Variants in COL5A2 observed in about 807,000 individuals in gnomAD.
COL5A2 encodes collagen alpha-2(V) chain.
COL5A2 carries 23 observed loss-of-function variants against 208.2 expected under a neutral mutation model. That is an observed-to-expected ratio of 0.11 (90% CI 0.08 to 0.16). The LOEUF (loss-of-function observed/expected upper bound fraction) is 0.16. Among genes scored for constraint, COL5A2 ranks in the 10% least tolerant of loss-of-function variants. The pLI, the probability that COL5A2 is intolerant of heterozygous loss-of-function variation, is 1.00. For synonymous variants in COL5A2, 625 were observed against 628.5 expected, an observed-to-expected ratio of 0.99 and a Z score of 0.08; for missense variants, 1,590 against 1,956.4, an observed-to-expected ratio of 0.81 and a Z score of 3.53.
rs369656754 is a variant in COL5A2, at chr2:189,061,502, T to TA, written c.2031+59dup. Reference sequence around the variant, plus strand: ...AATCTTCTGACCATATCTTTTTTTTTAAAAAAAAAAAGCATTTTAGTTAAT... The same window carrying TA: ...AATCTTCTGACCATATCTTTTTTTTTAAAAAAAAAAAAGCATTTTAGTTAAT... On this transcript the variant is annotated intron_variant, in intron 30 of 53. Transcript: ENST00000374866. 16,137 of 975,380 alleles carry TA rather than the reference T, an allele frequency of 0.017. 16 individuals carry two copies. The highest frequency in any genetic ancestry group is 0.019 in the Non-Finnish European group (12,888 of 662,544). The allele number at this position is 975,380 out of a possible 1,614,324, so 60.4% of individuals were successfully genotyped here.
At chr2:189,405,500 G>A in the COL5A2 span, among the ~76,000 whole-genome samples, 1 of 152,274 alleles carries the variant, frequency 6.6e-6, no homozygotes, top group African/African-American at 2.4e-5. Context: ...AAAATGCTGG[G>A]ATTATAGGTG....
chr2:189,070,807 A>T lies in COL5A2; in HGVS notation c.1158+1233T>A, dbSNP rs756949245. Reference sequence around the variant, plus strand: ...GTCTGGGCCAGAGTCTGTGGTAGTGACATTATTAGGACTTCAGGGAGCAGA... The same window carrying T: ...GTCTGGGCCAGAGTCTGTGGTAGTGTCATTATTAGGACTTCAGGGAGCAGA... On this transcript the variant is annotated intron_variant, in intron 18 of 53. Transcript: ENST00000374866. Among the ~76,000 whole-genome samples, 63 of 152,122 alleles carry T rather than the reference A, an allele frequency of 4.1e-4. 2 individuals carry two copies. Among genetic ancestry groups the T allele is most frequent in the Non-Finnish European group, 2.9e-4 (20 of 68,016 alleles).
intron 1 of COL5A2, among the ~76,000 whole-genome samples, chr2:189,134,612 T>A (rs1489202929): frequency 5.3e-5 from 8 of 152,054 alleles, no homozygotes; most frequent in Admixed American, 4.6e-4. Flanking sequence ...AGAAAGTACA[T>A]CATTGTCAAC....
intron 43 of COL5A2, among the ~76,000 whole-genome samples, chr2:189,050,268 C>T (rs1226991587): frequency 1.2e-5 from 1 of 80,128 alleles, no homozygotes; most frequent in African/African-American, 3.3e-5. Context: ...GAAGATTATC[C>T]CCCTCCTCTA....
At chr2:189,273,172 A>G in the COL5A2 span, among the ~76,000 whole-genome samples, 2 of 152,276 alleles carry the variant, frequency 1.3e-5, no homozygotes, top group Non-Finnish European at 2.9e-5. Flanking sequence ...GAAAGGATAG[A>G]AAGTTTTGAA....
the COL5A2 span, among the ~76,000 whole-genome samples, chr2:189,382,635 T>C: frequency 1.9e-4 from 29 of 152,296 alleles, no homozygotes; most frequent in African/African-American, 7.0e-4. Context: ...AGGCTTAGTG[T>C]GAGCAACAAG....
intron 7 of COL5A2, among the ~76,000 whole-genome samples, chr2:189,090,039 AG>A (rs1686750445): frequency 6.6e-6 from 1 of 152,204 alleles, no homozygotes; most frequent in Non-Finnish European, 1.5e-5. Flanking sequence ...TGGTCTAGTA[AG>A]GAAGGCATAT....
intron 1 of COL5A2, among the ~76,000 whole-genome samples, chr2:189,138,094 C>A (rs1687859677): frequency 6.6e-6 from 1 of 152,078 alleles, no homozygotes; most frequent in Non-Finnish European, 1.5e-5. Context: ...CCTGCCTCAG[C>A]CTCCTGAGTA....
In COL5A2 at chr2:189,051,515, C is replaced by A. The variant is rs73978807; in HGVS notation, c.2770-34G>T. On this transcript the variant is annotated intron_variant, in intron 41 of 53. Transcript: ENST00000374866. ...ACAAAGAAAGAAACACCAAGGAGGG[C>A]AAAATGGAAGGCAAGTAAGAGTGAT... 1.6e-3 allele frequency: 2,571 copies of A among 1,579,336 alleles called. 29 individuals are homozygous for A. In the African/African-American group the frequency reaches 0.031, roughly 19 times the overall value.
intron 1 of COL5A2, among the ~76,000 whole-genome samples, chr2:189,201,144 A>T (rs912139553): frequency 3.9e-5 from 6 of 152,088 alleles, no homozygotes; most frequent in Non-Finnish European, 7.4e-5. Context: ...GCAATTATAT[A>T]AAAAGTTAAT....
chr2:189,322,061 C>G, the COL5A2 span, among the ~76,000 whole-genome samples: 1 of 152,164 alleles, frequency 6.6e-6, no homozygotes, highest in Non-Finnish European at 1.5e-5. Context: ...ACTGAACAAC[C>G]TGCTCCTGAA....
At chr2:189,268,240 G>T in the COL5A2 span, among the ~76,000 whole-genome samples, 1 of 152,064 alleles carries the variant, frequency 6.6e-6, no homozygotes, top group East Asian at 1.9e-4. Flanking sequence ...AAGAAAATTG[G>T]CATTGTTTCC....
intron 1 of COL5A2, among the ~76,000 whole-genome samples, chr2:189,129,954 G>C (rs1411986085): frequency 1.3e-5 from 2 of 151,964 alleles, no homozygotes; most frequent in Non-Finnish European, 1.5e-5. Context: ...TTAATAGTTA[G>C]CTAAAAATGT....
chr2:189,266,394 C>A, the COL5A2 span, among the ~76,000 whole-genome samples: 1 of 151,436 alleles, frequency 6.6e-6, no homozygotes, highest in Non-Finnish European at 1.5e-5. Flanking sequence ...CTGCTGCACT[C>A]CAGTCTGGAT....
At chr2:189,352,738 T>G in the COL5A2 span, among the ~76,000 whole-genome samples, 1 of 152,212 alleles carries the variant, frequency 6.6e-6, no homozygotes, top group Non-Finnish European at 1.5e-5. Context: ...TTCTGTAGGT[T>G]GCCTGTTCAC....
chr2:189,124,340 G>GA (rs1451009109), intron 1 of COL5A2, among the ~76,000 whole-genome samples: 1 of 152,100 alleles, frequency 6.6e-6, no homozygotes, highest in Non-Finnish European at 1.5e-5. Context: ...ATTGATGGGG[G>GA]AAAGACTATC....
intron 16 of COL5A2, among the ~76,000 whole-genome samples, chr2:189,076,639 G>A (rs949638893): frequency 6.6e-6 from 1 of 152,184 alleles, no homozygotes; most frequent in African/African-American, 2.4e-5. Flanking sequence ...TGAATATCAG[G>A]CCAAGCACAG....
rs184444234 is a variant in COL5A2, at chr2:189,212,296, G to A, written c.-42+12852C>T. Among the ~76,000 whole-genome samples, 3 of 152,192 alleles carry A rather than the reference G, an allele frequency of 2.0e-5. No individual in the cohort carries two copies. The East Asian group carries it at 5.8e-4, about 29-fold the overall frequency. On this transcript the variant is annotated intron_variant, in intron 1 of 10. Coordinates refer to the COL5A2 transcript ENST00000649966. ...CATTTTGTCAAATACAATAGCAAAT[G>A]AATGAAAAAGGCCCATCAAATGGGC...
the COL5A2 span, among the ~76,000 whole-genome samples, chr2:189,351,812 A>G: frequency 1.3e-5 from 2 of 152,134 alleles, no homozygotes; most frequent in Non-Finnish European, 2.9e-5. Context: ...TCTCCTTTTT[A>G]TTATAGTTAT....
Sources: gnomAD v4.1 joint callset for allele counts (sites outside exome capture counted in the v4.1 genomes callset) on GRCh38, gnomAD v4.1.1 for gene constraint, MANE v1.5 for transcripts, NCBI Gene and HGNC (gene_info 2026-07-23, HGNC 2026-07-21) for gene names.